The following BTBD8 variants were observed in gnomAD, a reference collection of about 807,000 sequenced individuals.
BTBD8 encodes the protein BTB/POZ domain-containing protein 8.
In BTBD8, 110 loss-of-function variants were observed where a neutral mutation model predicts 162.9. The observed-to-expected ratio is 0.68, with a 90% confidence interval of 0.58 to 0.79. The LOEUF (loss-of-function observed/expected upper bound fraction) is 0.79, where lower values mean the gene tolerates loss of function less well. Ranked by LOEUF, BTBD8 falls within the 30% of genes least tolerant of loss-of-function variation. The probability of loss-of-function intolerance (pLI) is 0.00; values close to 1 mark genes in which losing one functional copy is unlikely to be tolerated. For synonymous variants in BTBD8, 667 were observed against 716.1 expected, an observed-to-expected ratio of 0.93 and a Z score of 1.10; for missense variants, 1,905 against 2,085.4, an observed-to-expected ratio of 0.91 and a Z score of 1.68.
At position 92,139,393 on chromosome 1, in the gene BTBD8, G is replaced by A. The variant is rs769262760; in HGVS notation, c.796G>A (p.Gly266Arg). 1 of 1,598,090 alleles carries A rather than the reference G, an allele frequency of 6.3e-7. No homozygotes were observed. The highest frequency in any genetic ancestry group is 1.8e-5 in the Admixed American group (1 of 56,646). Residue 266 changes from glycine to arginine, a missense_variant, in exon 6 of 18, where the codon GGA (glycine) becomes AGA (arginine). Transcript: ENST00000636805. Reference sequence around the variant, plus strand: ...GAATGTTATGATGCATTTTATATATGGAGGAACTCTGGACATTCCAGACAA... The same window carrying A: ...GAATGTTATGATGCATTTTATATATAGAGGAACTCTGGACATTCCAGACAA... ...ELNVMMHFIY[G>R]GTLDIPDKTN...
intron 4 of BTBD8, among the ~76,000 whole-genome samples, chr1:92,113,050 A>G (rs898391791): frequency 6.6e-5 from 10 of 152,252 alleles, no homozygotes. Context: ...AAATTAGGGC[A>G]TCTTGATAGA....
In BTBD8 at chr1:92,168,988, C is replaced by A. The variant is rs566377338; in HGVS notation, c.1566C>A (p.Ile522=). 9 of 1,527,016 alleles carry A rather than the reference C, an allele frequency of 5.9e-6. No individual in the cohort carries two copies. The highest frequency in any genetic ancestry group is 5.5e-5 in the African/African-American group (4 of 72,898). 94.6% of individuals were successfully genotyped at this position (1,527,016 alleles called of 1,614,324 possible). A position where few individuals can be genotyped will look rare whatever the true frequency, so the allele number is the denominator to read the frequency against. ...TGAGCACAGATGATCAACAGAAAAT[C>A]CAAGCAGGTACGTTAGCCTTGAGAT... ...KLMSTDDQQK[I]QAAAFDKGDD... is the part of the protein sequence containing the mutation. Residue 522 remains isoleucine (I), a synonymous_variant, in exon 12 of 18, where the codon ATC becomes ATA. Coordinates refer to ENST00000636805, the MANE Select transcript of BTBD8 (RefSeq NM_001376131.1).
intron 4 of BTBD8, among the ~76,000 whole-genome samples, chr1:92,126,719 C>G (rs1002946717): frequency 3.3e-5 from 5 of 152,210 alleles, no homozygotes; most frequent in Non-Finnish European, 7.3e-5. Context: ...CATTCAACCT[C>G]TGAGCAGTGA....
At chr1:92,099,319 G>A (rs1648527646) in intron 2 of BTBD8, among the ~76,000 whole-genome samples, 1 of 151,914 alleles carries the variant, frequency 6.6e-6, no homozygotes, top group African/African-American at 2.4e-5. Flanking sequence ...AGAAAATTGA[G>A]AAGTGTGAAT....
intron 1 of BTBD8, among the ~76,000 whole-genome samples, chr1:92,083,223 A>G (rs1281697995): frequency 2.0e-5 from 3 of 151,972 alleles, no homozygotes; most frequent in Non-Finnish European, 2.9e-5. Flanking sequence ...CCAGGGTCAC[A>G]TAACCAGAAT....
At chr1:92,140,950 T>A (rs1346898273) in intron 6 of BTBD8, among the ~76,000 whole-genome samples, 165 bp from the exon 7 acceptor site, 1 of 152,274 alleles carries the variant, frequency 6.6e-6, no homozygotes, top group Non-Finnish European at 1.5e-5. Flanking sequence ...CTATGCCCTG[T>A]TTATAATCCA....
At chr1:92,139,955 A>AAAAAAAAAAAAAC (rs1649731960) in intron 6 of BTBD8, 1 of 140,776 alleles carries the variant, frequency 7.1e-6, no homozygotes, top group Non-Finnish European at 1.5e-5. Context: ...AAAAAAAAAA[A>AAAAAAAAAAAAAC]AAAAAAAAGC....
chr1:92,181,623 G>T lies in BTBD8; in HGVS notation c.3940G>T (p.Asp1314Tyr). ...TACTCCTGAAGAATTAAAAATTTATGATAGTAATTTAAGAATTGAAGTAAA... is the reference window on the plus strand; with the variant it reads ...TACTCCTGAAGAATTAAAAATTTATTATAGTAATTTAAGAATTGAAGTAAA... ...TSTPEELKIY[D>Y]SNLRIEVKMK... The change falls in exon 17 of 18, where the codon GAT becomes TAT. Residue 1314 changes from aspartate to tyrosine, a missense_variant. This residue lies in a region of BTBD8 where 517 missense variants were observed against 606.6 expected (regional missense o/e 0.85). Transcript: ENST00000636805. 1.9e-6 allele frequency: 3 copies of T among 1,550,728 alleles called. No individual in the cohort carries two copies. Among genetic ancestry groups the T allele is most frequent in the Non-Finnish European group, 2.6e-6 (3 of 1,146,392 alleles).
Position 92,181,515 on chromosome 1 carries a change from G to C in BTBD8, c.3832G>C (p.Asp1278His), listed in dbSNP as rs1570763211. ...TGATGCTGGAGGGTCTCAGGATGATGATGGGTCAAATGACAGAGGTATCTC... is the reference window on the plus strand; with the variant it reads ...TGATGCTGGAGGGTCTCAGGATGATCATGGGTCAAATGACAGAGGTATCTC... ...DYDAGGSQDD[D>H]GSNDRGISKC... Residue 1278 changes from aspartate (D) to histidine (H), a missense_variant, in exon 17 of 18, where the codon GAT becomes CAT. This residue lies in a region of BTBD8 where 517 missense variants were observed against 606.6 expected (regional missense o/e 0.85). Coordinates refer to ENST00000636805, the MANE Select transcript of BTBD8 (RefSeq NM_001376131.1). 7 of 1,551,728 alleles carry C rather than the reference G, an allele frequency of 4.5e-6. No homozygotes were observed. Among genetic ancestry groups the C allele is most frequent in the Non-Finnish European group, 6.1e-6 (7 of 1,146,982 alleles).
intron 2 of BTBD8, among the ~76,000 whole-genome samples, chr1:92,102,022 T>A (rs1418031886): frequency 6.6e-6 from 1 of 152,032 alleles, no homozygotes; most frequent in Non-Finnish European, 1.5e-5. Flanking sequence ...TTATTTATTA[T>A]TATTATTATT....
rs760615713 is a variant in BTBD8, at chr1:92,168,894, G to C, written c.1472G>C (p.Arg491Pro). 6.5e-7 allele frequency: 1 copy of C among 1,540,696 alleles called. No individual in the cohort carries two copies. The highest frequency in any genetic ancestry group is 2.5e-5 in the East Asian group (1 of 40,746). The change falls in exon 12 of 18, where the codon CGT becomes CCT. Residue 491 changes from arginine to proline, a missense_variant. Physicochemically the swap from Arg to Pro is moderately radical, Grantham distance 103. This residue lies in a region of BTBD8 where 1,374 missense variants were observed against 1,442.7 expected (regional missense o/e 0.95). Transcript: ENST00000636805. ...MGFTCKIQAL[R>P]DKLWIFLVQS... ...TTTACGTGCAAGATCCAGGCTCTGCGTGATAAGCTGTGGATCTTCCTGGTT... is the reference window on the plus strand; with the variant it reads ...TTTACGTGCAAGATCCAGGCTCTGCCTGATAAGCTGTGGATCTTCCTGGTT...
intron 4 of BTBD8, among the ~76,000 whole-genome samples, chr1:92,110,937 G>A (rs181818303): frequency 6.6e-6 from 1 of 150,830 alleles, no homozygotes; most frequent in Non-Finnish European, 1.5e-5. Flanking sequence ...GCACTTCTAT[G>A]TTCCATAATT....
At chr1:92,162,428 A>G (rs1650291508) in intron 9 of BTBD8, among the ~76,000 whole-genome samples, 1 of 152,198 alleles carries the variant, frequency 6.6e-6, no homozygotes, top group African/African-American at 2.4e-5. Context: ...GGATAATTCA[A>G]AGTATGTCCT....
At chr1:92,122,603 GC>G (rs1198851818) in intron 4 of BTBD8, among the ~76,000 whole-genome samples, 1 of 149,298 alleles carries the variant, frequency 6.7e-6, no homozygotes, top group African/African-American at 2.5e-5. Flanking sequence ...TCACTCTGTA[GC>G]CCAGGCTGGA....
intron 4 of BTBD8, chr1:92,115,214 CAT>C (rs1649001025): frequency 7.9e-6 from 4 of 504,152 alleles, no homozygotes; most frequent in Admixed American, 4.9e-5. Context: ...GCCCCATAGC[CAT>C]CACACCACAG....
chr1:92,147,624 T>C (rs1221570449), intron 8 of BTBD8, 60 bp from the exon 9 acceptor site: 2 of 1,376,828 alleles, frequency 1.5e-6, no homozygotes, highest in Non-Finnish European at 2.0e-6. Context: ...ACCAAAATAT[T>C]GACTATTATA....
intron 1 of BTBD8, among the ~76,000 whole-genome samples, chr1:92,087,893 T>C (rs1365640793): frequency 6.6e-6 from 1 of 152,222 alleles, no homozygotes; most frequent in Non-Finnish European, 1.5e-5. Flanking sequence ...TATAGTGATA[T>C]GAAGTTTTAT....
At chr1:92,173,186 A>C (rs893817686) in intron 13 of BTBD8, among the ~76,000 whole-genome samples, 1 of 152,176 alleles carries the variant, frequency 6.6e-6, no homozygotes. Flanking sequence ...CGGCCTCCCA[A>C]AGTCCTGGGA....
Position 92,113,749 on chromosome 1 carries a change from A to G in BTBD8, c.662+5748A>G, listed in dbSNP as rs58533561. On this transcript the variant is annotated intron_variant, in intron 4 of 17. Transcript: ENST00000636805. Reference sequence around the variant, plus strand: ...AGGGGTAGGCCCGGTGCGGTGGCTCACGCCTGTAATCCCAGCACTTTGGGA... The same window carrying G: ...AGGGGTAGGCCCGGTGCGGTGGCTCGCGCCTGTAATCCCAGCACTTTGGGA... Among the ~76,000 whole-genome samples the G allele has an allele frequency of 3.6e-3, 545 of 151,432 alleles. 5 individuals are homozygous for G. The highest frequency in any genetic ancestry group is 0.012 in the African/African-American group (495 of 40,730).
Sources: gnomAD v4.1 joint callset for allele counts (sites outside exome capture counted in the v4.1 genomes callset) on GRCh38, gnomAD v4.1.1 for gene constraint, gnomAD v4.1.1 regional missense constraint, MANE v1.5 for transcripts, NCBI Gene and HGNC (gene_info 2026-07-23, HGNC 2026-07-21) for gene names.